ZNF107: variants seen among roughly 807,000 people sequenced by gnomAD.
The protein encoded by ZNF107 is C2H2 type zinc-finger protein.
ZNF107 carries 19 observed loss-of-function variants against 12.3 expected under a neutral mutation model. The ratio of observed to expected loss-of-function variants is 1.55; its 90% CI spans 1.08 to 2.27. The LOEUF (loss-of-function observed/expected upper bound fraction) is 2.27, where lower values mean the gene tolerates loss of function less well. Among genes scored for constraint, ZNF107 ranks in the 30% most tolerant of loss-of-function variants. The probability of loss-of-function intolerance (pLI) is 0.00; values close to 1 mark genes in which losing one functional copy is unlikely to be tolerated. For missense variants in ZNF107, 958 were observed against 979.9 expected (o/e 0.98, Z 0.30); for synonymous variants, 317 against 330.5 (o/e 0.96, Z 0.44).
At chr7:64,704,764 C>T (rs887712552) in intron 3 of ZNF107, among the ~76,000 whole-genome samples, 4 of 152,102 alleles carry the variant, frequency 2.6e-5, no homozygotes, top group Admixed American at 2.6e-4. Flanking sequence ...CAGCCTCCAC[C>T]TCCAGGGTTC....
Position 64,707,133 on chromosome 7 carries a change from T to C in ZNF107, c.1036T>C (p.Cys346Arg). 6.2e-7 allele frequency: 1 copy of C among 1,613,566 alleles called. No homozygotes were observed. The highest frequency in any genetic ancestry group is 8.5e-7 in the Non-Finnish European group (1 of 1,179,772). ...AGEKPYKCKE[C>R]GRAFNISSNL... is the part of the protein sequence containing the mutation. ...GGAGAAACCCTACAAATGTAAAGAA[T>C]GTGGCAGAGCTTTTAACATATCCTC... The change falls in exon 4 of 4, where the codon TGT becomes CGT. Residue 346 changes from cysteine (C) to arginine (R), a missense_variant. Transcript: ENST00000620827.
intron 1 of ZNF107, among the ~76,000 whole-genome samples, chr7:64,678,673 A>G (rs1789522247): frequency 1.3e-5 from 2 of 152,212 alleles, no homozygotes; most frequent in Admixed American, 6.5e-5. Context: ...GTACACTAAA[A>G]TTATTTATAC....
At chr7:64,668,399 A>AT (rs2128954906) in intron 1 of ZNF107, among the ~76,000 whole-genome samples, 1 of 143,660 alleles carries the variant, frequency 7.0e-6, no homozygotes, top group Admixed American at 7.4e-5. Flanking sequence ...AAGTGAGAAC[A>AT]TGCGGTGTTT....
intron 1 of ZNF107, among the ~76,000 whole-genome samples, chr7:64,675,637 T>C (rs1286085830): frequency 6.6e-6 from 1 of 152,180 alleles, no homozygotes; most frequent in South Asian, 2.1e-4. Context: ...CTTCTGCTAG[T>C]TTAGAAGTTG....
rs183248014 is a variant in ZNF107, at chr7:64,671,527, G to T, written c.3+5242G>T. ...CACCTGTTCATAATCTCATCTGCCT[G>T]CATGGACGCAAATAAATCAGAGGAC... is the stretch of plus-strand genomic sequence containing the variant. On this transcript the variant is annotated intron_variant, in intron 1 of 3. Transcript: ENST00000620827. Among the ~76,000 whole-genome samples, 778 of 152,284 alleles carry T rather than the reference G, an allele frequency of 5.1e-3. 9 individuals carry two copies. Among genetic ancestry groups the T allele is most frequent in the Non-Finnish European group, 6.7e-3 (457 of 68,022 alleles).
At chr7:64,673,883 T>C (rs1234364671) in intron 1 of ZNF107, among the ~76,000 whole-genome samples, 1 of 152,216 alleles carries the variant, frequency 6.6e-6, no homozygotes, top group Non-Finnish European at 1.5e-5. Context: ...GCTGTAGGTG[T>C]GTGGCATTAT....
chr7:64,698,978 A>T (rs1362993383), intron 3 of ZNF107, among the ~76,000 whole-genome samples: 1 of 152,142 alleles, frequency 6.6e-6, no homozygotes, highest in Non-Finnish European at 1.5e-5. Flanking sequence ...ACTTTGTAGA[A>T]GATCATTTGA....
intron 3 of ZNF107, among the ~76,000 whole-genome samples, chr7:64,705,721 AG>A (rs1357614249): frequency 3.3e-5 from 5 of 150,130 alleles, no homozygotes; most frequent in Admixed American, 3.3e-4. Flanking sequence ...TTCAGTTAAA[AG>A]AGTTTGTTCA....
chr7:64,668,942 A>G (rs1789112984), intron 1 of ZNF107: 1 of 150,748 alleles, frequency 6.6e-6, no homozygotes, highest in Admixed American at 6.6e-5. Context: ...TACTTTTGTT[A>G]CAGTAAATAC....
chr7:64,686,839 G>A lies in ZNF107; in HGVS notation c.4-4409G>A, dbSNP rs369613968. On this transcript the variant is annotated intron_variant, in intron 1 of 3. Transcript: ENST00000620827. The stretch of plus-strand genomic sequence containing the variant: ...CACCTCCGGGCTGACTCCCTTTTCC[G>A]ATTCAGCCCACTAACACCCAAGTGA... The A allele has an allele frequency of 2.5e-5, 24 of 966,226 alleles. No homozygotes were observed. The East Asian group carries it at 5.7e-4, about 23-fold the overall frequency. 59.9% of individuals were successfully genotyped at this position (966,226 alleles called of 1,614,324 possible).
At chr7:64,686,170 A>G (rs1225408018) in intron 1 of ZNF107, among the ~76,000 whole-genome samples, 1 of 152,124 alleles carries the variant, frequency 6.6e-6, no homozygotes, top group Non-Finnish European at 1.5e-5. Context: ...TTTTTCCACC[A>G]ACCAGTCTGG....
At chr7:64,681,912 G>A (rs973357374) in intron 1 of ZNF107, among the ~76,000 whole-genome samples, 1 of 152,000 alleles carries the variant, frequency 6.6e-6, no homozygotes, top group Non-Finnish European at 1.5e-5. Flanking sequence ...CCTAAAAGAT[G>A]CCTTCTACAC....
At chr7:64,698,601 G>A (rs981876528) in intron 3 of ZNF107, among the ~76,000 whole-genome samples, 1 of 151,492 alleles carries the variant, frequency 6.6e-6, no homozygotes, top group Non-Finnish European at 1.5e-5. Flanking sequence ...TTGTATTTTT[G>A]GTAGAGACAG....
intron 1 of ZNF107, among the ~76,000 whole-genome samples, chr7:64,671,047 G>A (rs1789203578): frequency 6.6e-6 from 1 of 152,116 alleles, no homozygotes. Flanking sequence ...AGAATTGCTT[G>A]GTGTTAAGCA....
chr7:64,686,784 A>G, intron 1 of ZNF107: 2 of 859,806 alleles, frequency 2.3e-6, no homozygotes, highest in Non-Finnish European at 2.8e-6. Flanking sequence ...TCCACCCGCC[A>G]CTTTGCCCTG....
chr7:64,673,931 G>GT (rs1403869692), intron 1 of ZNF107, among the ~76,000 whole-genome samples: 2 of 150,828 alleles, frequency 1.3e-5, no homozygotes, highest in Non-Finnish European at 2.9e-5. Flanking sequence ...CTATTGGTCT[G>GT]TTTTTTGTTG....
chr7:64,699,449 C>A (rs1220398364), intron 3 of ZNF107, among the ~76,000 whole-genome samples: 1 of 152,136 alleles, frequency 6.6e-6, no homozygotes, highest in Non-Finnish European at 1.5e-5. Context: ...GAGACAGGAT[C>A]TTACTCTCAC....
At chr7:64,670,922 G>A (rs10235806) in intron 1 of ZNF107, among the ~76,000 whole-genome samples, 5,613 of 152,270 alleles carry the variant, frequency 0.037, 347 homozygotes, top group African/African-American at 0.13. Context: ...TGATAGGCCC[G>A]TATGGTTTTT....
Position 64,708,166 on chromosome 7 carries a change from C to T in ZNF107, c.2069C>T (p.Ser690Leu). 6.2e-7 allele frequency: 1 copy of T among 1,611,456 alleles called. No individual in the cohort carries two copies. Among genetic ancestry groups the T allele is most frequent in the East Asian group, 2.2e-5 (1 of 44,828 alleles). ...TGTGGAAAAGCTTATAACCGATTCT[C>T]AAACCTAACTATACATAAGAGAATT... ...EECGKAYNRF[S>L]NLTIHKRIHT... Residue 690 changes from serine (S) to leucine (L), a missense_variant, in exon 4 of 4, where the codon TCA becomes TTA. Transcript: ENST00000620827.
Sources: allele counts gnomAD v4.1 joint callset (sites outside exome capture counted in the v4.1 genomes callset), GRCh38; gene constraint gnomAD v4.1.1; transcripts MANE v1.5; gene names NCBI Gene and HGNC (gene_info 2026-07-23, HGNC 2026-07-21).